The following HEMK2 variants were observed in gnomAD, a reference collection of about 807,000 sequenced individuals.
HEMK2 encodes the protein HemK methyltransferase 2, ETF1 glutamine and histone H4 lysine, also known as methyltransferase HEMK2.
chr21:28,875,529 A>C, the HEMK2 span: 22 of 157,700 alleles, frequency 1.4e-4, no homozygotes, highest in South Asian at 2.0e-4. Flanking sequence ...ATATGACCCA[A>C]GTGGCAGAGC....
the HEMK2 span, among the ~76,000 whole-genome samples, chr21:28,604,966 G>C: frequency 6.6e-6 from 1 of 152,182 alleles, no homozygotes; most frequent in African/African-American, 2.4e-5. Flanking sequence ...CTACCTTAAG[G>C]AGACAGGATT....
the HEMK2 span, among the ~76,000 whole-genome samples, chr21:28,839,010 T>TATATATACAC: frequency 4.1e-5 from 3 of 72,294 alleles, no homozygotes; most frequent in African/African-American, 2.2e-4. Context: ...TACATATATA[T>TATATATACAC]ACACAATCTG....
At chr21:28,877,288 GGAAGGA>G in the HEMK2 span, among the ~76,000 whole-genome samples, 21,718 of 132,714 alleles carry the variant, frequency 0.16, 2,035 homozygotes, top group South Asian at 0.22. Flanking sequence ...AAGGAAGGAA[GGAAGGA>G]AGGAAGAGAG....
the HEMK2 span, among the ~76,000 whole-genome samples, chr21:28,820,408 G>T: frequency 6.6e-6 from 1 of 152,110 alleles, no homozygotes; most frequent in African/African-American, 2.4e-5. Flanking sequence ...CAAGAAGGAA[G>T]ACTAAAGTCT....
chr21:28,685,359 A>G, the HEMK2 span, among the ~76,000 whole-genome samples: 2 of 152,168 alleles, frequency 1.3e-5, no homozygotes, highest in Non-Finnish European at 2.9e-5. Context: ...AAGCCAGTAT[A>G]CCAGAAAGGA....
the HEMK2 span, among the ~76,000 whole-genome samples, chr21:28,772,216 T>C: frequency 5.3e-4 from 81 of 152,314 alleles, no homozygotes; most frequent in Middle Eastern, 0.014. Flanking sequence ...ACCATGCCTA[T>C]GTTGGGAAAG....
At chr21:28,705,675 C>A in the HEMK2 span, among the ~76,000 whole-genome samples, 6 of 152,232 alleles carry the variant, frequency 3.9e-5, no homozygotes, top group East Asian at 9.7e-4. Context: ...TATTATCTGA[C>A]GGTTCTGTAG....
At chr21:28,802,389 CTAA>C in the HEMK2 span, among the ~76,000 whole-genome samples, 4 of 152,132 alleles carry the variant, frequency 2.6e-5, no homozygotes, top group Non-Finnish European at 5.9e-5. Context: ...ACATAAAAAA[CTAA>C]TAATACCAGT....
the HEMK2 span, among the ~76,000 whole-genome samples, chr21:28,703,194 A>G: frequency 6.6e-6 from 1 of 152,250 alleles, no homozygotes. Flanking sequence ...GAGAATCAAA[A>G]ACACTACCTA....
the HEMK2 span, among the ~76,000 whole-genome samples, chr21:28,589,927 A>C: frequency 6.6e-6 from 1 of 152,172 alleles, no homozygotes; most frequent in South Asian, 2.1e-4. Context: ...TCTTTTATTC[A>C]GCATCCTCAA....
At chr21:28,596,826 G>A in the HEMK2 span, among the ~76,000 whole-genome samples, 3 of 152,102 alleles carry the variant, frequency 2.0e-5, no homozygotes, top group Non-Finnish European at 4.4e-5. Context: ...GAAGTGTCTC[G>A]ATGGACAGTG....
the HEMK2 span, among the ~76,000 whole-genome samples, chr21:28,720,103 A>G: frequency 2.0e-5 from 3 of 152,240 alleles, no homozygotes; most frequent in Non-Finnish European, 4.4e-5. Flanking sequence ...GTTGTCTAGT[A>G]TATGTGTTAG....
the HEMK2 span, among the ~76,000 whole-genome samples, chr21:28,584,520 A>G: frequency 6.6e-6 from 1 of 152,208 alleles, no homozygotes; most frequent in Non-Finnish European, 1.5e-5. Context: ...ATATCTCAAA[A>G]ATGTCAGGAA....
chr21:28,838,800 G>A, the HEMK2 span, among the ~76,000 whole-genome samples: 18 of 149,710 alleles, frequency 1.2e-4, no homozygotes, highest in African/African-American at 3.7e-4. Context: ...TTAGCTGAGC[G>A]TGTTGGCGCA....
chr21:28,881,793 A>G, the HEMK2 span, among the ~76,000 whole-genome samples: 1 of 152,012 alleles, frequency 6.6e-6, no homozygotes, highest in African/African-American at 2.4e-5. Context: ...AACCATGTCC[A>G]GCTATTTTTT....
the HEMK2 span, among the ~76,000 whole-genome samples, chr21:28,603,885 G>A: frequency 6.6e-6 from 1 of 152,180 alleles, no homozygotes; most frequent in Non-Finnish European, 1.5e-5. Context: ...TTCCTACCTG[G>A]TTGATTCCAG....
At chr21:28,737,169 A>G in the HEMK2 span, among the ~76,000 whole-genome samples, 34,746 of 151,994 alleles carry the variant, frequency 0.23, 4,613 homozygotes, top group African/African-American at 0.35. Flanking sequence ...TTGTCACCCA[A>G]GCTGGAGTGC....
the HEMK2 span, among the ~76,000 whole-genome samples, chr21:28,771,521 C>CCCCCCCCCCCCCCA: frequency 7.6e-6 from 1 of 131,470 alleles, no homozygotes; most frequent in East Asian, 2.6e-4. Context: ...ATGCACCACC[C>CCCCCCCCCCCCCCA]CCCCCCGCCA....
the HEMK2 span, among the ~76,000 whole-genome samples, chr21:28,659,107 A>T: frequency 2.0e-5 from 3 of 152,084 alleles, no homozygotes; most frequent in African/African-American, 7.2e-5. Flanking sequence ...ATACATTATC[A>T]TCCTGACATT....
Sources: allele counts gnomAD v4.1 joint callset (sites outside exome capture counted in the v4.1 genomes callset), GRCh38; gene constraint gnomAD v4.1.1; transcripts MANE v1.5; gene names NCBI Gene and HGNC (gene_info 2026-07-23, HGNC 2026-07-21).